The following ANKRD36B variants were observed in gnomAD, a reference collection of about 807,000 sequenced individuals.
The protein encoded by ANKRD36B is ankyrin repeat domain-containing protein 36B.
ANKRD36B carries 37 observed loss-of-function variants against 135.7 expected under a neutral mutation model. The observed-to-expected ratio is 0.27, with a 90% CI of 0.21 to 0.36. ANKRD36B has a LOEUF of 0.36. Among genes scored for constraint, ANKRD36B ranks in the 10% least tolerant of loss-of-function variants. The pLI, the probability that ANKRD36B is intolerant of heterozygous loss-of-function variation, is 1.00. For missense variants in ANKRD36B, 549 were observed against 1,037.1 expected (o/e 0.53, Z 6.46); for synonymous variants, 179 against 348.1 (o/e 0.51, Z 5.41).
rs548067665 is a variant in ANKRD36B at position 97,567,564 on chromosome 2, A to G, written c.764-6704T>C. Among the ~76,000 whole-genome samples, 36 of 152,228 alleles carry G rather than the reference A, an allele frequency of 2.4e-4. 1 individual carries two copies. The East Asian group carries it at 7.0e-3, about 29-fold the overall frequency. ...TGTATGACAGAAAATGGGGTTGAAG[A>G]CCAAATATATATTTCATAATATGAC... On this transcript the variant is annotated intron_variant, in intron 6 of 43. Transcript: ENST00000359901.
chr2:97,566,172 T>G (rs2081414012), intron 6 of ANKRD36B, among the ~76,000 whole-genome samples: 1 of 145,870 alleles, frequency 6.9e-6, no homozygotes, highest in African/African-American at 2.5e-5. Flanking sequence ...AAAAAAAAAA[T>G]TAGCTGAGTG....
chr2:97,587,097 C>A (rs2083056053), intron 1 of ANKRD36B, among the ~76,000 whole-genome samples: 1 of 152,244 alleles, frequency 6.6e-6, no homozygotes. Context: ...ATCACTTGAA[C>A]CTGAGAGGCA....
chr2:97,560,598 A>C, intron 8 of ANKRD36B, 67 bp downstream of exon 8: 1 of 1,584,196 alleles, frequency 6.3e-7, no homozygotes, highest in Non-Finnish European at 8.6e-7. Flanking sequence ...CCACTGATTT[A>C]TTTGGGGAAG....
At chr2:97,580,596 T>C (rs1429734718) in intron 3 of ANKRD36B, 28 bp from the exon 4 acceptor site, 1 of 1,526,326 alleles carries the variant, frequency 6.6e-7, no homozygotes, top group Admixed American at 2.0e-5. Context: ...CAATTTATAA[T>C]CACAAAATTA....
chr2:97,551,774 A>G (rs1227347858), intron 16 of ANKRD36B, among the ~76,000 whole-genome samples: 2 of 152,002 alleles, frequency 1.3e-5, no homozygotes, highest in African/African-American at 4.8e-5. Flanking sequence ...ATGAGGACAA[A>G]TGTGATCTAA....
At chr2:97,560,885 T>G (rs1408039371) in intron 6 of ANKRD36B, 25 bp from the exon 7 acceptor site, 6 of 1,540,696 alleles carry the variant, frequency 3.9e-6, no homozygotes, top group Non-Finnish European at 5.3e-6. Flanking sequence ...GGATACATAA[T>G]CAATCATATG....
rs779361367 is a variant in ANKRD36B, at chr2:97,511,626, G to A, written c.3232C>T (p.Gln1078Ter). 1 of 600,160 alleles carries A rather than the reference G, an allele frequency of 1.7e-6. No homozygotes were observed. Among genetic ancestry groups the A allele is most frequent in the East Asian group, 2.9e-5 (1 of 33,998 alleles). 37.2% of individuals were successfully genotyped at this position (600,160 alleles called of 1,614,324 possible). A position where few individuals can be genotyped will look rare whatever the true frequency, so the allele number is the denominator to read the frequency against. ...AGAACATGAGAATTCAAATTTTCCT[G>A]TAAGTGACGACATTTATCTACTGTG... ...QGTVDKCRHL[Q>*]ENLNSHVLIL... Residue 1078 changes from glutamine (Q) to a stop codon, truncating the protein, a stop_gained, in exon 39 of 44, where the codon CAG becomes TAG. Transcript: ENST00000359901. LOFTEE classifies it high-confidence loss of function.
At chr2:97,583,092 G>T (rs2082728735) in intron 3 of ANKRD36B, among the ~76,000 whole-genome samples, 1 of 145,716 alleles carries the variant, frequency 6.9e-6, no homozygotes, top group African/African-American at 2.5e-5. Context: ...TAACTTCATG[G>T]TTTTCAGTGT....
Position 97,577,960 on chromosome 2 carries a change from A to T in ANKRD36B, c.695+946T>A, listed in dbSNP as rs528900207. Reference sequence around the variant, plus strand: ...GGTAGCAATAAAGAAGAACACTGTGATCTCTTTCTACAACATTATTTGAAT... The same window carrying T: ...GGTAGCAATAAAGAAGAACACTGTGTTCTCTTTCTACAACATTATTTGAAT... On this transcript the variant is annotated intron_variant, in intron 5 of 43. Coordinates refer to ENST00000359901, the MANE Select transcript of ANKRD36B (RefSeq NM_001393939.1). Among the ~76,000 whole-genome samples, 1,479 of 151,926 alleles carry T rather than the reference A, an allele frequency of 9.7e-3. 21 individuals are homozygous for T. The highest frequency in any genetic ancestry group is 0.033 in the African/African-American group (1,383 of 41,470).
Position 97,494,497 on chromosome 2 carries a change from T to C in ANKRD36B, c.*7-1642A>G, listed in dbSNP as rs537745616. On this transcript the variant is annotated intron_variant, in intron 43 of 43. Transcript: ENST00000359901. ...GTGTAATGCAGTGAGAACTCACTCA[T>C]TAGTGAAAAAAGGGCAAAAAGCTAT... 4.7e-5 allele frequency among the ~76,000 whole-genome samples: 5 copies of C among 107,214 alleles called. 1 individual carries two copies. In the South Asian group the frequency reaches 1.1e-3, roughly 24 times the overall value. The allele number at this position is 107,214 out of a possible 152,430, so 70.3% of individuals were successfully genotyped here. A position where few individuals can be genotyped will look rare whatever the true frequency, so the allele number is the denominator to read the frequency against.
intron 6 of ANKRD36B, among the ~76,000 whole-genome samples, chr2:97,572,366 A>G (rs2081939280): frequency 6.9e-6 from 1 of 145,178 alleles, no homozygotes; most frequent in African/African-American, 2.5e-5. Context: ...GCTAAGTAAC[A>G]GATTACCAAT....
rs1451539558 is a variant in ANKRD36B at position 97,544,450 on chromosome 2, A to G, written c.1682-465T>C. ...AATAACTGAGAAGGCACACAATTAC[A>G]ATGACACTTCAGTTGAACGTACACT... On this transcript the variant is annotated intron_variant, in intron 24 of 43. Coordinates refer to ENST00000359901, the MANE Select transcript of ANKRD36B (RefSeq NM_001393939.1). 8.4e-5 allele frequency among the ~76,000 whole-genome samples: 8 copies of G among 94,832 alleles called. 4 individuals carry two copies. The highest frequency in any genetic ancestry group is 1.7e-4 in the Non-Finnish European group (6 of 35,458). The allele number at this position is 94,832 out of a possible 152,430, so 62.2% of individuals were successfully genotyped here.
At position 97,582,738 on chromosome 2, in the gene ANKRD36B, T is replaced by C. The variant is rs188336994; in HGVS notation, c.451-2170A>G. On this transcript the variant is annotated intron_variant, in intron 3 of 43. Transcript: ENST00000359901. ...ATTGTATGTAAAGCAAGTATTTTCA[T>C]GTAAAATACTTCCTTTCTTTAGTTT... is the stretch of plus-strand genomic sequence containing the variant. 5.3e-5 allele frequency among the ~76,000 whole-genome samples: 8 copies of C among 152,320 alleles called. No homozygotes were observed. In the East Asian group the frequency reaches 1.2e-3, roughly 22 times the overall value.
chr2:97,561,833 C>T (rs2081050668), intron 6 of ANKRD36B, among the ~76,000 whole-genome samples: 1 of 151,766 alleles, frequency 6.6e-6, no homozygotes, highest in Non-Finnish European at 1.5e-5. Context: ...TTTGAATAAC[C>T]AATATCAACA....
intron 6 of ANKRD36B, among the ~76,000 whole-genome samples, chr2:97,573,680 C>G (rs1386103368): frequency 6.6e-6 from 1 of 152,134 alleles, no homozygotes; most frequent in Non-Finnish European, 1.5e-5. Context: ...GGTACTGGTA[C>G]CGAAATGGAG....
At chr2:97,538,985 T>C (rs1366849172) in intron 30 of ANKRD36B, among the ~76,000 whole-genome samples, 1 of 96,568 alleles carries the variant, frequency 1.0e-5, no homozygotes, top group African/African-American at 3.1e-5. Flanking sequence ...TGTTGTGTCC[T>C]CTAGTTTAGG....
At chr2:97,556,831 G>T (rs2104728016) in intron 12 of ANKRD36B, 106 bp downstream of exon 12, 3 of 1,487,908 alleles carry the variant, frequency 2.0e-6, no homozygotes, top group East Asian at 2.5e-5. Flanking sequence ...CAGGCCTGCT[G>T]AATCAGAAAG....
chr2:97,548,166 T>C (rs1198131275), intron 20 of ANKRD36B, among the ~76,000 whole-genome samples: 1 of 151,780 alleles, frequency 6.6e-6, no homozygotes, highest in Non-Finnish European at 1.5e-5. Flanking sequence ...GCTCTTTAAA[T>C]TGCCCAATAA....
intron 18 of ANKRD36B, among the ~76,000 whole-genome samples, chr2:97,550,563 A>C (rs1260324083): frequency 6.6e-6 from 1 of 151,850 alleles, no homozygotes; most frequent in Non-Finnish European, 1.5e-5. Context: ...ATGTGTTCAT[A>C]TTCAAGTTTA....
Sources: gnomAD v4.1 joint callset for allele counts (sites outside exome capture counted in the v4.1 genomes callset) on GRCh38, gnomAD v4.1.1 for gene constraint, MANE v1.5 for transcripts, NCBI Gene and HGNC (gene_info 2026-07-23, HGNC 2026-07-21) for gene names.